GPR39: variants seen among roughly 807,000 people sequenced by gnomAD.
GPR39 encodes G protein-coupled receptor 39.
GPR39 carries 23 observed loss-of-function variants against 18.4 expected under a neutral mutation model. The observed-to-expected ratio is 1.25, with a 90% CI of 0.90 to 1.77. The LOEUF (loss-of-function observed/expected upper bound fraction) is 1.77, where lower values mean the gene tolerates loss of function less well. Ranked by LOEUF, GPR39 falls within the 40% of genes most tolerant of loss-of-function variation. The pLI, the probability that GPR39 is intolerant of heterozygous loss-of-function variation, is 0.00. For synonymous variants in GPR39, 280 were observed against 257.9 expected, an observed-to-expected ratio of 1.09 and a Z score of -0.82; for missense variants, 647 against 602.4, an observed-to-expected ratio of 1.07 and a Z score of -0.78.
Position 132,417,821 on chromosome 2 carries a change from G to A in GPR39, c.779G>A (p.Gly260Asp), listed in dbSNP as rs550520036. The A allele has an allele frequency of 1.2e-6, 2 of 1,613,810 alleles. No individual in the cohort carries two copies. The highest frequency in any genetic ancestry group is 1.1e-5 in the South Asian group (1 of 91,086). Residue 260 changes from glycine (G) to aspartate (D), a missense_variant, in exon 1 of 2, where the codon GGC (glycine) becomes GAC (aspartate). Physicochemically the swap from Gly to Asp is moderately conservative, Grantham distance 94. This residue lies in a region of GPR39 where 581 missense variants were observed against 506.8 expected (regional missense o/e 1.15). Transcript: ENST00000329321. ...MKSQKGSLAG[G>D]TRPPQLRKSE... Reference sequence around the variant, plus strand: ...AGCCAGAAGGGCTCGCTGGCCGGGGGCACGCGGCCTCCGCAGCTGAGGAAG... The same window carrying A: ...AGCCAGAAGGGCTCGCTGGCCGGGGACACGCGGCCTCCGCAGCTGAGGAAG...
In GPR39 at chr2:132,472,654, G is replaced by T. The variant is rs538219007; in HGVS notation, c.856+54756G>T. 1.6e-4 allele frequency among the ~76,000 whole-genome samples: 25 copies of T among 152,246 alleles called. No individual in the cohort carries two copies. The South Asian group carries it at 4.4e-3, about 27-fold the overall frequency. On this transcript the variant is annotated intron_variant, in intron 1 of 1. Coordinates refer to ENST00000329321, the MANE Select transcript of GPR39 (RefSeq NM_001508.3). ...TTGGTACTACAGAGGTAAGTGACAT[G>T]GTAGTGACCTGACCATGAACTTACT...
chr2:132,588,942 G>A (rs1044582367), intron 1 of GPR39, among the ~76,000 whole-genome samples: 2 of 152,152 alleles, frequency 1.3e-5, no homozygotes, highest in African/African-American at 2.4e-5. Context: ...CAAGCAGAAA[G>A]GGTCTGAGGG....
At chr2:132,495,740 C>T (rs987482982) in intron 1 of GPR39, among the ~76,000 whole-genome samples, 17 of 152,100 alleles carry the variant, frequency 1.1e-4, no homozygotes, top group African/African-American at 3.6e-4. Context: ...TTATCAGTAT[C>T]TGGCTAGAGA....
chr2:132,471,418 T>G (rs59736706), intron 1 of GPR39, among the ~76,000 whole-genome samples: 5,690 of 152,158 alleles, frequency 0.037, 381 homozygotes, highest in African/African-American at 0.13. Flanking sequence ...CTTTACTGTA[T>G]CCACTAGTCG....
Position 132,465,187 on chromosome 2 carries a change from G to GC in GPR39, c.856+47290dup, listed in dbSNP as rs1212570764. Among the ~76,000 whole-genome samples the GC allele has an allele frequency of 1.3e-4, 19 of 151,028 alleles. No homozygotes were observed. The East Asian group carries it at 3.5e-3, about 28-fold the overall frequency. On this transcript the variant is annotated intron_variant, in intron 1 of 1. Transcript: ENST00000329321. ...ACTCAATGAGAAGGTTAAAACAAAA[G>GC]CAAAAAAAAAAGAAAGAAGTCCCTT...
At chr2:132,543,990 T>G (rs899130203) in intron 1 of GPR39, among the ~76,000 whole-genome samples, 2 of 152,206 alleles carry the variant, frequency 1.3e-5, no homozygotes, top group African/African-American at 4.8e-5. Context: ...GCCCATGGCA[T>G]GACTTTCTCC....
At chr2:132,466,561 C>A (rs1175364085) in intron 1 of GPR39, among the ~76,000 whole-genome samples, 1 of 152,144 alleles carries the variant, frequency 6.6e-6, no homozygotes, top group African/African-American at 2.4e-5. Context: ...GGCTTCTGGG[C>A]TGCTCCTCTC....
At chr2:132,540,180 C>T (rs1237617919) in intron 1 of GPR39, among the ~76,000 whole-genome samples, 1 of 152,176 alleles carries the variant, frequency 6.6e-6, no homozygotes, top group Non-Finnish European at 1.5e-5. Flanking sequence ...ATTTCTCTAA[C>T]ATATGTAGAA....
At position 132,476,635 on chromosome 2, in the gene GPR39, CAAAAAAAAAAAAAA is replaced by C. The variant is rs66464566; in HGVS notation, c.856+58751_856+58764del. Among the ~76,000 whole-genome samples the C allele has an allele frequency of 7.1e-5, 4 of 56,444 alleles. No homozygotes were observed. The Admixed American group carries it at 8.0e-4, about 11-fold the overall frequency. 37.0% of individuals were successfully genotyped at this position (56,444 alleles called of 152,430 possible). A position where few individuals can be genotyped will look rare whatever the true frequency, so the allele number is the denominator to read the frequency against. ...TGGGTAACAGAGCAAGACTCCATCT[CAAAAAAAAAAAAAA>C]AAAAAAAAAAAAAGATAGATATGTA... On this transcript the variant is annotated intron_variant, in intron 1 of 1. Transcript: ENST00000329321.
At chr2:132,491,979 TATTA>T (rs1681470615) in intron 1 of GPR39, among the ~76,000 whole-genome samples, 1 of 151,504 alleles carries the variant, frequency 6.6e-6, no homozygotes, top group South Asian at 2.1e-4. Flanking sequence ...AAAAATTCAT[TATTA>T]ATTTTCATTG....
At chr2:132,438,929 G>A (rs551601079) in intron 1 of GPR39, among the ~76,000 whole-genome samples, 24 of 152,228 alleles carry the variant, frequency 1.6e-4, no homozygotes, top group Non-Finnish European at 2.4e-4. Context: ...TTAATATGTC[G>A]CAGCGAGCAT....
intron 1 of GPR39, among the ~76,000 whole-genome samples, chr2:132,481,341 A>C (rs1361442598): frequency 6.6e-6 from 1 of 152,208 alleles, no homozygotes; most frequent in East Asian, 1.9e-4. Flanking sequence ...TTCTGCTGAA[A>C]ATGGAAAAGG....
chr2:132,498,558 A>T (rs1247618596), intron 1 of GPR39, among the ~76,000 whole-genome samples: 1 of 152,186 alleles, frequency 6.6e-6, no homozygotes, highest in African/African-American at 2.4e-5. Flanking sequence ...TCTTTTTCAT[A>T]TAATGACTTC....
chr2:132,540,369 G>T (rs774487837), intron 1 of GPR39, among the ~76,000 whole-genome samples: 2 of 152,100 alleles, frequency 1.3e-5, no homozygotes, highest in Non-Finnish European at 2.9e-5. Context: ...GGAGAGCGAC[G>T]GTCAGGAAGG....
At chr2:132,575,295 A>T (rs1680510631) in intron 1 of GPR39, among the ~76,000 whole-genome samples, 1 of 152,196 alleles carries the variant, frequency 6.6e-6, no homozygotes, top group Non-Finnish European at 1.5e-5. Context: ...CTGTGCAGTC[A>T]CTTAAATACT....
rs530193488 is a variant in GPR39 at position 132,645,886 on chromosome 2, C to G, written c.*280C>G. The G allele has an allele frequency of 3.0e-6, 2 of 660,640 alleles. No homozygotes were observed. Among genetic ancestry groups the G allele is most frequent in the Admixed American group, 6.7e-5 (2 of 29,952 alleles). The allele number at this position is 660,640 out of a possible 1,614,324, so 40.9% of individuals were successfully genotyped here. ...GCTGAATTTATTCAGAATGCTTTACCGAGCTCTTTCATTATTTGCACAGGA... is the reference window on the plus strand; with the variant it reads ...GCTGAATTTATTCAGAATGCTTTACGGAGCTCTTTCATTATTTGCACAGGA... On this transcript the variant is annotated 3_prime_UTR_variant, in exon 2 of 2. Coordinates refer to ENST00000329321, the MANE Select transcript of GPR39 (RefSeq NM_001508.3).
chr2:132,589,211 G>GA (rs1553458587), intron 1 of GPR39, among the ~76,000 whole-genome samples: 4 of 151,872 alleles, frequency 2.6e-5, no homozygotes, highest in African/African-American at 9.7e-5. Flanking sequence ...TTCTGGCCAT[G>GA]TCCCCCCCTC....
intron 1 of GPR39, among the ~76,000 whole-genome samples, chr2:132,425,693 T>G (rs967032493): frequency 2.6e-5 from 4 of 152,188 alleles, no homozygotes; most frequent in Non-Finnish European, 5.9e-5. Context: ...CACATGAGCC[T>G]TTAAATCTGG....
chr2:132,503,963 A>G (rs1237876449), intron 1 of GPR39, among the ~76,000 whole-genome samples: 1 of 152,180 alleles, frequency 6.6e-6, no homozygotes, highest in Non-Finnish European at 1.5e-5. Flanking sequence ...CCCCAACAGC[A>G]CTGAGTCTAT....
Sources: gnomAD v4.1 joint callset for allele counts (sites outside exome capture counted in the v4.1 genomes callset) on GRCh38, gnomAD v4.1.1 for gene constraint, gnomAD v4.1.1 regional missense constraint, MANE v1.5 for transcripts, NCBI Gene and HGNC (gene_info 2026-07-23, HGNC 2026-07-21) for gene names.